The following ANK3 variants were observed in gnomAD, a reference collection of about 807,000 sequenced individuals.
ANK3 encodes the protein ankyrin-3.
ANK3 carries 57 observed loss-of-function variants against 370.9 expected under a neutral mutation model. The observed-to-expected ratio is 0.15, with a 90% CI of 0.12 to 0.19. ANK3 has a LOEUF of 0.19. Among genes scored for constraint, ANK3 ranks in the 10% least tolerant of loss-of-function variants. ANK3 has a pLI of 1.00. For missense variants in ANK3, 4,439 were observed against 5,302.1 expected (o/e 0.84, Z 5.06); for synonymous variants, 1,929 against 1,946.3 (o/e 0.99, Z 0.23).
chr10:60,553,733 A>T (rs919080803), intron 2 of ANK3, among the ~76,000 whole-genome samples: 18 of 152,142 alleles, frequency 1.2e-4, no homozygotes, highest in Non-Finnish European at 1.8e-4. Context: ...GAGTAAAAAA[A>T]TTTTTTTTGA....
At chr10:60,362,944 C>T (rs1218495597) in intron 1 of ANK3, among the ~76,000 whole-genome samples, 2 of 152,096 alleles carry the variant, frequency 1.3e-5, no homozygotes, top group East Asian at 1.9e-4. Flanking sequence ...ATAGGGTGGG[C>T]TATCCTGGAC....
At chr10:60,105,623 T>C (rs1482177778) in intron 28 of ANK3, among the ~76,000 whole-genome samples, 6 of 152,234 alleles carry the variant, frequency 3.9e-5, no homozygotes, top group South Asian at 4.1e-4. Context: ...TTCTTGCTCA[T>C]TTTTGACTTA....
chr10:60,693,177 G>A (rs190523871), intron 1 of ANK3, among the ~76,000 whole-genome samples: 9 of 152,194 alleles, frequency 5.9e-5, no homozygotes, highest in Admixed American at 1.3e-4. Flanking sequence ...CTCCCACCCC[G>A]AATACTGCAC....
At chr10:60,435,357 AT>A (rs1408568446) in intron 2 of ANK3, among the ~76,000 whole-genome samples, 1 of 152,174 alleles carries the variant, frequency 6.6e-6, no homozygotes, top group Non-Finnish European at 1.5e-5. Context: ...TAAAAGACAA[AT>A]TTAGTTCTGT....
intron 2 of ANK3, among the ~76,000 whole-genome samples, chr10:60,525,474 A>C (rs183145916): frequency 6.6e-6 from 1 of 152,258 alleles, no homozygotes; most frequent in East Asian, 1.9e-4. Context: ...AAGAAAGAGA[A>C]CACGGTATTT....
At chr10:60,110,090 C>T (rs1201336335) in intron 26 of ANK3, among the ~76,000 whole-genome samples, 1 of 151,926 alleles carries the variant, frequency 6.6e-6, no homozygotes, top group Non-Finnish European at 1.5e-5. Context: ...AGAAAATTGT[C>T]GGAATTCTTA....
intron 1 of ANK3, among the ~76,000 whole-genome samples, chr10:60,356,190 A>C (rs1033279109): frequency 6.6e-6 from 1 of 152,140 alleles, no homozygotes; most frequent in African/African-American, 2.4e-5. Flanking sequence ...CTGCATGTGA[A>C]ATGTCTTCAC....
chr10:60,506,986 C>T (rs1202867638), intron 2 of ANK3, among the ~76,000 whole-genome samples: 2 of 151,996 alleles, frequency 1.3e-5, no homozygotes, highest in African/African-American at 4.8e-5. Context: ...AAAATAACCA[C>T]CATTATAAAA....
At chr10:60,060,714 A>T (rs1298952258) in intron 40 of ANK3, 1 of 152,210 alleles carries the variant, frequency 6.6e-6, no homozygotes, top group Non-Finnish European at 1.5e-5. Context: ...GATATGACCA[A>T]GATGAAAGGG....
At chr10:60,633,779 T>A (rs1047284833) in intron 1 of ANK3, among the ~76,000 whole-genome samples, 1 of 152,204 alleles carries the variant, frequency 6.6e-6, no homozygotes, top group African/African-American at 2.4e-5. Flanking sequence ...AGCAATTTCC[T>A]AAACCTCCAC....
chr10:60,692,201 A>G (rs2079364446), intron 1 of ANK3, among the ~76,000 whole-genome samples: 1 of 152,232 alleles, frequency 6.6e-6, no homozygotes, highest in South Asian at 2.1e-4. Flanking sequence ...TGTGAAGACA[A>G]TATCAAATCA....
At chr10:60,081,632 A>G in intron 35 of ANK3, 1 of 348,170 alleles carries the variant, frequency 2.9e-6, no homozygotes, top group Non-Finnish European at 5.6e-6. Flanking sequence ...TTGTACAATA[A>G]AATTGCACAT....
chr10:60,180,998 C>T (rs2096161839), intron 18 of ANK3, among the ~76,000 whole-genome samples: 1 of 152,060 alleles, frequency 6.6e-6, no homozygotes, highest in Admixed American at 6.6e-5. Context: ...TATTTGTCTG[C>T]ATTTAAAACA....
At chr10:60,639,110 A>T (rs946736701) in intron 1 of ANK3, among the ~76,000 whole-genome samples, 3 of 152,032 alleles carry the variant, frequency 2.0e-5, no homozygotes, top group Admixed American at 6.6e-5. Flanking sequence ...AAAATGATAA[A>T]GAAAATATGC....
chr10:60,167,018 C>A lies in ANK3; in HGVS notation c.2479-122G>T. 28 of 807,856 alleles carry A rather than the reference C, an allele frequency of 3.5e-5. 1 individual carries two copies. The South Asian group carries it at 4.6e-4, about 13-fold the overall frequency. 50.0% of individuals were successfully genotyped at this position (807,856 alleles called of 1,614,324 possible). ...TATGTGTTGAATATCTTGAATCTCC[C>A]ACATATAAAATAACATCAAAATTGT... On this transcript the variant is annotated intron_variant, in intron 21 of 43. Transcript: ENST00000280772.
chr10:60,430,913 G>A, intron 2 of ANK3, among the ~76,000 whole-genome samples: 1 of 152,144 alleles, frequency 6.6e-6, no homozygotes, highest in East Asian at 1.9e-4. Flanking sequence ...ATAACACAGG[G>A]AAAGAAATGT....
At chr10:60,531,921 A>C (rs1364861590) in intron 2 of ANK3, among the ~76,000 whole-genome samples, 2 of 152,102 alleles carry the variant, frequency 1.3e-5, no homozygotes, top group Non-Finnish European at 2.9e-5. Context: ...GGTGACTCTA[A>C]TGTTCACTTA....
chr10:60,577,424 T>C (rs1458447143), intron 2 of ANK3, among the ~76,000 whole-genome samples: 1 of 152,120 alleles, frequency 6.6e-6, no homozygotes, highest in African/African-American at 2.4e-5. Flanking sequence ...AATTCCCACC[T>C]GTTGTGGGAG....
chr10:60,587,704 C>T (rs1329410652), intron 2 of ANK3, among the ~76,000 whole-genome samples: 1 of 152,028 alleles, frequency 6.6e-6, no homozygotes, highest in Non-Finnish European at 1.5e-5. Context: ...AAAAATACCC[C>T]AAAACATTAT....
Sources: allele counts gnomAD v4.1 joint callset (sites outside exome capture counted in the v4.1 genomes callset), GRCh38; gene constraint gnomAD v4.1.1; transcripts MANE v1.5; gene names NCBI Gene and HGNC (gene_info 2026-07-23, HGNC 2026-07-21).